Variants in CRTC1 observed in about 807,000 individuals in gnomAD.
The protein encoded by CRTC1 is CREB regulated transcription coactivator 1.
In CRTC1, 18 loss-of-function variants were observed where a neutral mutation model predicts 66.1. The ratio of observed to expected loss-of-function variants is 0.27; its 90% CI spans 0.19 to 0.40. CRTC1 has a LOEUF of 0.40. Among genes scored for constraint, CRTC1 ranks in the 10% least tolerant of loss-of-function variants. The pLI, the probability that CRTC1 is intolerant of heterozygous loss-of-function variation, is 1.00. For synonymous variants in CRTC1, 416 were observed against 398.8 expected, an observed-to-expected ratio of 1.04 and a Z score of -0.51; for missense variants, 669 against 887.9, an observed-to-expected ratio of 0.75 and a Z score of 3.13.
chr19:18,755,754 T>C (rs563910220), intron 6 of CRTC1, among the ~76,000 whole-genome samples: 1 of 151,862 alleles, frequency 6.6e-6, no homozygotes, highest in Non-Finnish European at 1.5e-5. Flanking sequence ...AGGTGTGAGC[T>C]ACCGTGCCCG....
At position 18,747,129 on chromosome 19, in the gene CRTC1, A is replaced by ACCCCCCCCCCCCCCC. The variant is rs56040769; in HGVS notation, c.443+25_443+26insCCCCCCCCCCCCCCC. The ACCCCCCCCCCCCCCC allele has an allele frequency of 3.5e-5, 39 of 1,109,916 alleles. No individual in the cohort carries two copies. Among genetic ancestry groups the ACCCCCCCCCCCCCCC allele is most frequent in the African/African-American group, 1.5e-4 (7 of 46,350 alleles). The allele number at this position is 1,109,916 out of a possible 1,614,324, so 68.8% of individuals were successfully genotyped here. A position where few individuals can be genotyped will look rare whatever the true frequency, so the allele number is the denominator to read the frequency against. ...AGCTGGAGAAGGTCAGTGGCTGGAC[A>ACCCCCCCCCCCCCCC]CCCCCCCCCCGCCCCCTTCTTGTTG... is the stretch of plus-strand genomic sequence containing the variant. On this transcript the variant is annotated intron_variant, in intron 4 of 13. Coordinates refer to ENST00000321949, the MANE Select transcript of CRTC1 (RefSeq NM_015321.3).
chr19:18,693,560 C>T (rs1306659537), intron 1 of CRTC1, among the ~76,000 whole-genome samples: 1 of 149,582 alleles, frequency 6.7e-6, no homozygotes, highest in Non-Finnish European at 1.5e-5. Context: ...CAGCTCACTG[C>T]AAGCTCCGCC....
At chr19:18,761,579 G>A (rs530185855) in intron 8 of CRTC1, among the ~76,000 whole-genome samples, 3 of 152,314 alleles carry the variant, frequency 2.0e-5, no homozygotes, top group Admixed American at 6.5e-5. Flanking sequence ...TGTAACTGGC[G>A]GAGTCCCCCT....
At chr19:18,731,960 G>A (rs1037151174) in intron 1 of CRTC1, among the ~76,000 whole-genome samples, 2 of 152,224 alleles carry the variant, frequency 1.3e-5, no homozygotes, top group Admixed American at 6.5e-5. Context: ...CCTGGGCTCC[G>A]TGGGCTTCAC....
intron 7 of CRTC1, 84 bp downstream of exon 7, chr19:18,759,675 G>C (rs2054569886): frequency 1.4e-6 from 2 of 1,476,436 alleles, no homozygotes; most frequent in African/African-American, 2.8e-5. Flanking sequence ...ACTCTCTTGA[G>C]GTTGCAAGTC....
chr19:18,742,952 C>T lies in CRTC1; in HGVS notation c.169C>T (p.Arg57Ter). 6.2e-7 allele frequency: 1 copy of T among 1,614,060 alleles called. No homozygotes were observed. The highest frequency in any genetic ancestry group is 1.3e-5 in the African/African-American group (1 of 75,068). ...KSQYLQLGPS[R>*]GQYYGGSLPN... ...CCAGTACCTGCAACTGGGCCCCAGC[C>T]GAGGCCAGTACTATGGCGGGTCCCT... Residue 57 changes from arginine to a stop codon, truncating the protein, a stop_gained, in exon 2 of 14, where the codon CGA (arginine) becomes TGA (stop). Transcript: ENST00000321949. LOFTEE classifies it high-confidence loss of function.
intron 1 of CRTC1, among the ~76,000 whole-genome samples, chr19:18,738,363 A>G (rs756810215): frequency 6.6e-6 from 1 of 152,076 alleles, no homozygotes; most frequent in Admixed American, 6.6e-5. Context: ...CTATAAAAAG[A>G]AAAAAAATTA....
At chr19:18,775,987 C>G (rs2054980004) in intron 13 of CRTC1, among the ~76,000 whole-genome samples, 166 bp downstream of exon 13, 1 of 150,498 alleles carries the variant, frequency 6.6e-6, no homozygotes, top group South Asian at 2.1e-4. Context: ...CTGAATTTGA[C>G]TCACTCCTGG....
chr19:18,695,903 A>G (rs1323026058), intron 1 of CRTC1, among the ~76,000 whole-genome samples: 1 of 152,160 alleles, frequency 6.6e-6, no homozygotes, highest in Non-Finnish European at 1.5e-5. Flanking sequence ...ACTACAGTAC[A>G]CAGGATGGCC....
chr19:18,751,888 G>T (rs576659232), intron 5 of CRTC1, among the ~76,000 whole-genome samples: 1 of 152,114 alleles, frequency 6.6e-6, no homozygotes, highest in Non-Finnish European at 1.5e-5. Context: ...GGCCAGGCGC[G>T]GTGGGTCATG....
rs76066700 is a variant in CRTC1, at chr19:18,707,923, C to G, written c.126+24095C>G. ...CATAATTGGCCCCTGCCTCAGTTTC[C>G]CCATCTGTAAGATGTGCCATGAAGG... On this transcript the variant is annotated intron_variant, in intron 1 of 13. Coordinates refer to ENST00000321949, the MANE Select transcript of CRTC1 (RefSeq NM_015321.3). Among the ~76,000 whole-genome samples, 916 of 152,352 alleles carry G rather than the reference C, an allele frequency of 6.0e-3. 19 individuals carry two copies. Among genetic ancestry groups the G allele is most frequent in the African/African-American group, 0.021 (866 of 41,584 alleles).
chr19:18,781,780 G>A lies in CRTC1; in HGVS notation c.*4398G>A, dbSNP rs1274416540. 1.3e-5 allele frequency: 3 copies of A among 230,978 alleles called. No individual in the cohort carries two copies. Among genetic ancestry groups the A allele is most frequent in the African/African-American group, 6.6e-5 (3 of 45,206 alleles). 14.3% of individuals were successfully genotyped at this position (230,978 alleles called of 1,614,324 possible). A position where few individuals can be genotyped will look rare whatever the true frequency, so the allele number is the denominator to read the frequency against. On this transcript the variant is annotated 3_prime_UTR_variant, in exon 14 of 14. Coordinates refer to ENST00000321949, the MANE Select transcript of CRTC1 (RefSeq NM_015321.3). ...GGTGGTGCTGGCTCTGATGATTCCAGAGCCTGTATCCACCTTCTGGGCTCC... is the reference window on the plus strand; with the variant it reads ...GGTGGTGCTGGCTCTGATGATTCCAAAGCCTGTATCCACCTTCTGGGCTCC...
intron 1 of CRTC1, among the ~76,000 whole-genome samples, chr19:18,725,608 G>C (rs777276037): frequency 6.6e-6 from 1 of 152,216 alleles, no homozygotes; most frequent in Non-Finnish European, 1.5e-5. Flanking sequence ...GGCTGGACCT[G>C]GCTTGGCCAC....
At chr19:18,753,465 C>G (rs767007423) in intron 5 of CRTC1, 35 bp from the exon 6 acceptor site, 2 of 1,512,362 alleles carry the variant, frequency 1.3e-6, no homozygotes, top group Non-Finnish European at 1.8e-6. Context: ...GAAATTTCTT[C>G]TCTGATTCTC....
chr19:18,687,384 C>G (rs1273362510), intron 1 of CRTC1, among the ~76,000 whole-genome samples: 1 of 152,114 alleles, frequency 6.6e-6, no homozygotes, highest in Admixed American at 6.6e-5. Flanking sequence ...GTGAGCTTTG[C>G]ACCTGGTCAG....
chr19:18,756,776 G>A (rs1018294911), intron 6 of CRTC1, among the ~76,000 whole-genome samples: 4 of 152,204 alleles, frequency 2.6e-5, no homozygotes, highest in Non-Finnish European at 5.9e-5. Context: ...GACACACCCC[G>A]ATAGTGGAGT....
At chr19:18,772,177 C>T (rs1047674547) in intron 11 of CRTC1, among the ~76,000 whole-genome samples, 1 of 152,190 alleles carries the variant, frequency 6.6e-6, no homozygotes, top group Non-Finnish European at 1.5e-5. Flanking sequence ...TGCTCACGCC[C>T]CAGCCACTCC....
intron 5 of CRTC1, among the ~76,000 whole-genome samples, chr19:18,750,744 A>T (rs1393065903): frequency 6.6e-6 from 1 of 152,230 alleles, no homozygotes; most frequent in African/African-American, 2.4e-5. Context: ...ACTGTTGGCC[A>T]GAACCTCACT....
chr19:18,695,389 G>A (rs2052960537), intron 1 of CRTC1, among the ~76,000 whole-genome samples: 1 of 152,182 alleles, frequency 6.6e-6, no homozygotes, highest in African/African-American at 2.4e-5. Context: ...AGACTGGCCT[G>A]AACCCAGGGT....
Sources: allele counts gnomAD v4.1 joint callset (sites outside exome capture counted in the v4.1 genomes callset), GRCh38; gene constraint gnomAD v4.1.1; transcripts MANE v1.5; gene names NCBI Gene and HGNC (gene_info 2026-07-23, HGNC 2026-07-21).